SH3BGRL: variants seen among roughly 807,000 people sequenced by gnomAD.
SH3BGRL encodes the protein SH3 domain binding glutamate rich protein like.
SH3BGRL carries 7 observed loss-of-function variants against 9.8 expected under a neutral mutation model. The ratio of observed to expected loss-of-function variants is 0.72; its 90% CI spans 0.41 to 1.35. The LOEUF is 1.35. Among genes scored for constraint, SH3BGRL ranks in the 40% most tolerant of loss-of-function variants. The pLI is 0.01. For synonymous variants in SH3BGRL, 36 were observed against 29.1 expected (o/e 1.24, Z -0.76); for missense variants, 73 against 84.4 (o/e 0.86, Z 0.53).
chrX:81,284,582 A>G (rs1018295737), intron 3 of SH3BGRL, among the ~76,000 whole-genome samples: 7 of 110,952 alleles, frequency 6.3e-5, no homozygotes, highest in African/African-American at 2.3e-4. Context: ...TGGAAATAGC[A>G]TGTGGTGTTC....
intron 1 of SH3BGRL, among the ~76,000 whole-genome samples, chrX:81,243,250 G>A (rs1248402354): frequency 8.9e-6 from 1 of 112,177 alleles, no homozygotes; most frequent in Non-Finnish European, 1.9e-5. Flanking sequence ...GGATAGAACT[G>A]GAGATCATTA....
intron 1 of SH3BGRL, among the ~76,000 whole-genome samples, chrX:81,222,819 T>A (rs2075604375): frequency 8.9e-6 from 1 of 111,734 alleles, no homozygotes; most frequent in Non-Finnish European, 1.9e-5. Flanking sequence ...TTTCTCCACA[T>A]CCTGTCCAGC....
intron 1 of SH3BGRL, 85 bp downstream of exon 1, chrX:81,202,330 C>T (rs2075530641): frequency 1.9e-6 from 2 of 1,036,463 alleles, no homozygotes; most frequent in Non-Finnish European, 1.3e-6. Flanking sequence ...GCAGAAGTTC[C>T]TCTGGCAGCT....
In SH3BGRL at chrX:81,240,113, AAC is replaced by A. The variant is rs770514154; in HGVS notation, c.46-36867_46-36866del. ...CTGGTAAGAGGAAATACACAGAAAA[AAC>A]ACAGATTATTATATCACTGTAACTG... On this transcript the variant is annotated intron_variant, in intron 1 of 3. Transcript: ENST00000373212. Among the ~76,000 whole-genome samples, 183 of 112,242 alleles carry A rather than the reference AAC, an allele frequency of 1.6e-3. 2 individuals are homozygous for A. The highest frequency in any genetic ancestry group is 5.7e-3 in the African/African-American group (176 of 30,931).
chrX:81,205,662 T>C (rs965285976), intron 1 of SH3BGRL, among the ~76,000 whole-genome samples: 1 of 109,989 alleles, frequency 9.1e-6, no homozygotes, highest in Non-Finnish European at 1.9e-5. Flanking sequence ...TTTGGATATA[T>C]ACCCAAAAGT....
At chrX:81,282,299 A>G (rs1463093279) in intron 3 of SH3BGRL, among the ~76,000 whole-genome samples, 1 of 112,114 alleles carries the variant, frequency 8.9e-6, no homozygotes, top group Non-Finnish European at 1.9e-5. Flanking sequence ...CAAAGAAACA[A>G]TGGATTTAAA....
intron 1 of SH3BGRL, among the ~76,000 whole-genome samples, chrX:81,237,591 G>A (rs1471560887): frequency 2.7e-5 from 3 of 111,400 alleles, no homozygotes; most frequent in Non-Finnish European, 5.7e-5. Flanking sequence ...CAGAACTTGA[G>A]TTCTTGCAAA....
chrX:81,261,747 G>A (rs1413441544), intron 1 of SH3BGRL, among the ~76,000 whole-genome samples: 1 of 111,372 alleles, frequency 9.0e-6, no homozygotes, highest in Non-Finnish European at 1.9e-5. Flanking sequence ...AAGAATCTGT[G>A]TGCAAACGGT....
chrX:81,259,542 T>C (rs1300343288), intron 1 of SH3BGRL, among the ~76,000 whole-genome samples: 4 of 111,926 alleles, frequency 3.6e-5, no homozygotes, highest in Non-Finnish European at 3.8e-5. Flanking sequence ...ACTGGTTTGT[T>C]TGCTTTCAAA....
At chrX:81,282,569 C>T (rs762427452) in intron 3 of SH3BGRL, among the ~76,000 whole-genome samples, 2 of 111,906 alleles carry the variant, frequency 1.8e-5, no homozygotes, top group South Asian at 3.7e-4. Context: ...TAACCTGCTC[C>T]TGAATGAGCA....
chrX:81,236,244 G>T (rs1406105007), intron 1 of SH3BGRL, among the ~76,000 whole-genome samples: 1 of 111,483 alleles, frequency 9.0e-6, no homozygotes, highest in Non-Finnish European at 1.9e-5. Flanking sequence ...AATGGACAAG[G>T]ATTCTGCATT....
intron 1 of SH3BGRL, among the ~76,000 whole-genome samples, chrX:81,260,599 G>A (rs1022515783): frequency 9.0e-6 from 1 of 110,567 alleles, no homozygotes; most frequent in African/African-American, 3.3e-5. Context: ...CTTCTTATGA[G>A]CCCAGCCCTA....
At chrX:81,209,618 G>C (rs1460574046) in intron 1 of SH3BGRL, among the ~76,000 whole-genome samples, 1 of 111,130 alleles carries the variant, frequency 9.0e-6, no homozygotes, top group Non-Finnish European at 1.9e-5. Context: ...CTGTTTATAG[G>C]TATTGAATAG....
At chrX:81,256,674 A>T (rs1163155954) in intron 1 of SH3BGRL, among the ~76,000 whole-genome samples, 1 of 112,439 alleles carries the variant, frequency 8.9e-6, no homozygotes, top group Non-Finnish European at 1.9e-5. Flanking sequence ...CTTAGGCATC[A>T]GCCCAGCGTA....
intron 1 of SH3BGRL, 45 bp downstream of exon 1, chrX:81,202,290 A>G (rs1393081902): frequency 1.8e-6 from 2 of 1,137,934 alleles, no homozygotes; most frequent in Admixed American, 2.4e-5. Flanking sequence ...CCTACACACC[A>G]GTCCTCTGCT....
At chrX:81,295,935 G>C (rs1396036798) in intron 3 of SH3BGRL, among the ~76,000 whole-genome samples, 1 of 110,987 alleles carries the variant, frequency 9.0e-6, no homozygotes, top group African/African-American at 3.3e-5. Flanking sequence ...CACATTTTCA[G>C]GTATCTTTAT....
At chrX:81,209,446 T>C (rs1239550761) in intron 1 of SH3BGRL, among the ~76,000 whole-genome samples, 2 of 111,779 alleles carry the variant, frequency 1.8e-5, no homozygotes, top group African/African-American at 6.5e-5. Flanking sequence ...TAATAACTAC[T>C]ATTAGATTCA....
chrX:81,279,992 G>A (rs765999484), intron 3 of SH3BGRL, among the ~76,000 whole-genome samples: 213 of 111,415 alleles, frequency 1.9e-3, no homozygotes, highest in African/African-American at 6.7e-3. Flanking sequence ...CTGTTGGACG[G>A]GGGCTTGGTG....
At chrX:81,287,968 A>G (rs1004367841) in intron 3 of SH3BGRL, among the ~76,000 whole-genome samples, 4 of 110,012 alleles carry the variant, frequency 3.6e-5, no homozygotes, top group Admixed American at 2.0e-4. Flanking sequence ...AAAGAAAGAA[A>G]GAAAGAAAGA....
Sources: allele counts gnomAD v4.1 joint callset (sites outside exome capture counted in the v4.1 genomes callset), GRCh38; gene constraint gnomAD v4.1.1; transcripts MANE v1.5; gene names NCBI Gene and HGNC (gene_info 2026-07-23, HGNC 2026-07-21).